Variants in TPTE2 observed in about 807,000 individuals in gnomAD.
TPTE2 encodes transmembrane phosphoinositide 3-phosphatase and tensin homolog 2, also known as phosphatidylinositol 3,4,5-trisphosphate 3-phosphatase TPTE2.
A neutral mutation model predicts 78.6 loss-of-function variants in TPTE2; 53 were observed. That is an observed-to-expected ratio of 0.67 (90% CI 0.54 to 0.85). The LOEUF (loss-of-function observed/expected upper bound fraction) is 0.85. TPTE2 is among the 40% of genes least tolerant of loss of function. TPTE2 has a pLI of 0.00. For missense variants in TPTE2, 461 were observed against 623.0 expected (o/e 0.74, Z 2.77); for synonymous variants, 175 against 206.2 (o/e 0.85, Z 1.30).
At chr13:19,492,324 G>A (rs535908294) in intron 3 of TPTE2, among the ~76,000 whole-genome samples, 1 of 152,276 alleles carries the variant, frequency 6.6e-6, no homozygotes, top group South Asian at 2.1e-4. Context: ...GAGGGTGTGG[G>A]ACAAGTCCAC....
At chr13:19,531,306 A>G (rs918296684) in intron 1 of TPTE2, among the ~76,000 whole-genome samples, 3 of 152,130 alleles carry the variant, frequency 2.0e-5, no homozygotes, top group Non-Finnish European at 4.4e-5. Flanking sequence ...CCTGTTTTAC[A>G]TTCTGCAGCA....
Position 19,503,217 on chromosome 13 carries a change from A to G in TPTE2, c.11+7T>C. ...GATAAATAAAGACACATGTATGCATAACTCACCTTTCATTCATACGTGCCT... is the reference window on the plus strand; with the variant it reads ...GATAAATAAAGACACATGTATGCATGACTCACCTTTCATTCATACGTGCCT... On this transcript the variant is annotated splice_region_variant and intron_variant, in intron 1 of 19. Transcript: ENST00000400230. 1.2e-6 allele frequency: 2 copies of G among 1,613,716 alleles called. No individual in the cohort carries two copies. Among genetic ancestry groups the G allele is most frequent in the Non-Finnish European group, 1.7e-6 (2 of 1,179,708 alleles).
Position 19,503,221 on chromosome 13 carries a change from C to T in TPTE2, c.11+3G>A. On this transcript the variant is annotated splice_donor_region_variant and intron_variant, in intron 1 of 19. Transcript: ENST00000400230. ...AATAAAGACACATGTATGCATAACTCACCTTTCATTCATACGTGCCTCTGG... is the reference window on the plus strand; with the variant it reads ...AATAAAGACACATGTATGCATAACTTACCTTTCATTCATACGTGCCTCTGG... The T allele has an allele frequency of 6.2e-7, 1 of 1,613,696 alleles. No homozygotes were observed. The highest frequency in any genetic ancestry group is 8.5e-7 in the Non-Finnish European group (1 of 1,179,692).
At chr13:19,550,856 C>T in the TPTE2 span, among the ~76,000 whole-genome samples, 5 of 151,524 alleles carry the variant, frequency 3.3e-5, no homozygotes, top group African/African-American at 4.8e-5. Flanking sequence ...AGTGCAGTGG[C>T]GCAATTTTGG....
chr13:19,439,311 A>G (rs576088904), intron 13 of TPTE2, among the ~76,000 whole-genome samples: 1 of 152,192 alleles, frequency 6.6e-6, no homozygotes, highest in East Asian at 1.9e-4. Context: ...CACACACCCA[A>G]TATAAAACCT....
intron 13 of TPTE2, among the ~76,000 whole-genome samples, chr13:19,443,484 C>T (rs1003379297): frequency 6.4e-4 from 96 of 150,234 alleles, no homozygotes; most frequent in African/African-American, 2.3e-3. Context: ...TGGCTCACTG[C>T]AACCTCTGCC....
At position 19,464,455 on chromosome 13, in the gene TPTE2, C is replaced by A; in HGVS notation, c.741+1G>T. The A allele has an allele frequency of 6.2e-7, 1 of 1,611,574 alleles. No individual in the cohort carries two copies. Among genetic ancestry groups the A allele is most frequent in the Middle Eastern group, 1.7e-4 (1 of 6,048 alleles). On this transcript the variant is annotated splice_donor_variant, in intron 10 of 19. Transcript: ENST00000400230. LOFTEE classifies it high-confidence loss of function. The stretch of plus-strand genomic sequence containing the variant: ...AGTATTTGTCAGATAAAGACCCTTA[C>A]CTCAATTGGATTTCTATAGAAAGAC...
At chr13:19,525,226 T>C (rs1870423445) in intron 1 of TPTE2, among the ~76,000 whole-genome samples, 1 of 152,094 alleles carries the variant, frequency 6.6e-6, no homozygotes, top group Non-Finnish European at 1.5e-5. Flanking sequence ...ACTAGCTATG[T>C]GGAGGATAGC....
At chr13:19,477,520 T>C (rs1470574542) in intron 4 of TPTE2, among the ~76,000 whole-genome samples, 1 of 152,090 alleles carries the variant, frequency 6.6e-6, no homozygotes, top group Admixed American at 6.6e-5. Context: ...AGATGGAGGA[T>C]CAATTGGCCA....
chr13:19,559,247 A>C, the TPTE2 span, among the ~76,000 whole-genome samples: 1 of 152,214 alleles, frequency 6.6e-6, no homozygotes, highest in South Asian at 2.1e-4. Flanking sequence ...TTTGAGCTCG[A>C]TAGTATATAT....
At chr13:19,478,121 G>A (rs911198485) in intron 4 of TPTE2, among the ~76,000 whole-genome samples, 3 of 152,046 alleles carry the variant, frequency 2.0e-5, no homozygotes, top group Non-Finnish European at 4.4e-5. Flanking sequence ...TGTAGCAGGT[G>A]AACAAAAGCA....
rs979929140 is a variant in TPTE2 at position 19,497,879 on chromosome 13, G to C, written c.12-4378C>G. Reference sequence around the variant, plus strand: ...GCTACGGGAGGACATTCAAACCAAAGGCAAAGAAGTTGAAAACTTTGAAAA... The same window carrying C: ...GCTACGGGAGGACATTCAAACCAAACGCAAAGAAGTTGAAAACTTTGAAAA... On this transcript the variant is annotated intron_variant, in intron 1 of 19. Transcript: ENST00000400230. Among the ~76,000 whole-genome samples the C allele has an allele frequency of 3.0e-4, 45 of 151,002 alleles. 1 individual carries two copies. The highest frequency in any genetic ancestry group is 1.0e-3 in the African/African-American group (43 of 41,320).
upstream of TPTE2, among the ~76,000 whole-genome samples, chr13:19,505,406 G>T (rs1038781919): frequency 3.3e-5 from 5 of 152,056 alleles, no homozygotes; most frequent in African/African-American, 9.7e-5. Flanking sequence ...CTCCCAAAGT[G>T]CTGGGATTAC....
Position 19,465,461 on chromosome 13 carries a change from T to C in TPTE2, c.612+4A>G, listed in dbSNP as rs1224314766. 1 of 1,608,452 alleles carries C rather than the reference T, an allele frequency of 6.2e-7. No individual in the cohort carries two copies. The highest frequency in any genetic ancestry group is 1.7e-5 in the Admixed American group (1 of 58,598). On this transcript the variant is annotated splice_donor_region_variant and intron_variant, in intron 8 of 19. Transcript: ENST00000400230. Reference sequence around the variant, plus strand: ...TGAATCATAAGCATGTTTTGCCCACTTACCAGCCTTCTCATCAGCTTTTCA... The same window carrying C: ...TGAATCATAAGCATGTTTTGCCCACCTACCAGCCTTCTCATCAGCTTTTCA...
chr13:19,497,122 T>C lies in TPTE2; in HGVS notation c.12-3621A>G, dbSNP rs1881376648. Among the ~76,000 whole-genome samples, 4 of 151,840 alleles carry C rather than the reference T, an allele frequency of 2.6e-5. No homozygotes were observed. In the South Asian group the frequency reaches 8.5e-4, roughly 32 times the overall value. ...TAAAAAACGGTGCACCGCGAGATTA[T>C]ATCCCGCACCTGTCTTGGAGGGTCC... On this transcript the variant is annotated intron_variant, in intron 1 of 19. Transcript: ENST00000400230.
At chr13:19,494,538 A>C (rs1290139468) in intron 1 of TPTE2, among the ~76,000 whole-genome samples, 1 of 152,056 alleles carries the variant, frequency 6.6e-6, no homozygotes, top group African/African-American at 2.4e-5. Context: ...CCTCCTGAGG[A>C]GCTGGGATTA....
chr13:19,480,952 A>T (rs1305416952), intron 4 of TPTE2, among the ~76,000 whole-genome samples: 2 of 151,830 alleles, frequency 1.3e-5, no homozygotes, highest in Admixed American at 1.3e-4. Flanking sequence ...GCAATATCTG[A>T]CTATTAAATG....
At chr13:19,462,420 T>A (rs1343994838) in intron 10 of TPTE2, among the ~76,000 whole-genome samples, 1 of 152,138 alleles carries the variant, frequency 6.6e-6, no homozygotes, top group Non-Finnish European at 1.5e-5. Context: ...TGTGAATATA[T>A]CATCCCATCT....
At chr13:19,505,507 T>A (rs145615916), upstream of TPTE2, among the ~76,000 whole-genome samples, 9 of 152,262 alleles carry the variant, frequency 5.9e-5, no homozygotes, top group East Asian at 1.5e-3. Context: ...ATCTAAATTC[T>A]TGATTCCTAA....
Sources: allele counts gnomAD v4.1 joint callset (sites outside exome capture counted in the v4.1 genomes callset), GRCh38; gene constraint gnomAD v4.1.1; transcripts MANE v1.5; gene names NCBI Gene and HGNC (gene_info 2026-07-23, HGNC 2026-07-21).